Variants in DPP6 observed in about 807,000 individuals in gnomAD.
DPP6 encodes the protein A-type potassium channel modulatory protein DPP6.
In DPP6, 69 loss-of-function variants were observed where a neutral mutation model predicts 122.6. That is an observed-to-expected ratio of 0.56 (90% CI 0.46 to 0.69). The LOEUF (loss-of-function observed/expected upper bound fraction) is 0.69, where lower values mean the gene tolerates loss of function less well. Among genes scored for constraint, DPP6 ranks in the 30% least tolerant of loss-of-function variants. DPP6 has a pLI of 0.00. For synonymous variants in DPP6, 418 were observed against 433.1 expected (o/e 0.97, Z 0.43); for missense variants, 928 against 1,116.9 (o/e 0.83, Z 2.41).
At chr7:154,446,153 T>A (rs1819848430) in intron 1 of DPP6, 61 bp from the exon 2 acceptor site, 1 of 1,045,206 alleles carries the variant, frequency 9.6e-7, no homozygotes, top group Non-Finnish European at 1.4e-6. Context: ...ATATGTCTAT[T>A]TGGCTTATTT....
At chr7:153,803,491 A>C in the DPP6 span, among the ~76,000 whole-genome samples, 2 of 151,828 alleles carry the variant, frequency 1.3e-5, no homozygotes, top group Admixed American at 6.6e-5. Flanking sequence ...GCTTCACCTC[A>C]TCTTCTCTAG....
At chr7:154,664,190 T>C (rs1837988857) in intron 6 of DPP6, among the ~76,000 whole-genome samples, 1 of 151,936 alleles carries the variant, frequency 6.6e-6, no homozygotes, top group Non-Finnish European at 1.5e-5. Flanking sequence ...TTGGCGCTAG[T>C]GTTCATAAAG....
At chr7:154,278,637 T>G (rs1003967175) in intron 1 of DPP6, among the ~76,000 whole-genome samples, 6 of 152,268 alleles carry the variant, frequency 3.9e-5, no homozygotes, top group African/African-American at 1.4e-4. Flanking sequence ...GTTTTCACTT[T>G]GCACAGGGTG....
In DPP6 at chr7:154,755,906, C is replaced by T. The variant is rs367568810; in HGVS notation, c.884-13511C>T. 1.3e-5 allele frequency among the ~76,000 whole-genome samples: 2 copies of T among 152,244 alleles called. No individual in the cohort carries two copies. The highest frequency in any genetic ancestry group is 2.1e-4 in the South Asian group (1 of 4,820). On this transcript the variant is annotated intron_variant, in intron 8 of 25. Transcript: ENST00000377770. This position sits in a 1 kb window ranked among gnomAD's most constrained non-coding sequence, Gnocchi z 4.7. ...CTTCGTAATGATACTGTCCTCACCA[C>T]GTCTTTTTATTATGAAAAGGAAGAG...
the DPP6 span, among the ~76,000 whole-genome samples, chr7:153,848,343 A>G: frequency 1.6e-4 from 25 of 151,636 alleles, no homozygotes; most frequent in Admixed American, 1.6e-3. Context: ...CTAAGGCCTA[A>G]GTAAACTAAC....
chr7:154,836,169 G>A (rs1350595510), intron 16 of DPP6, among the ~76,000 whole-genome samples: 3 of 152,202 alleles, frequency 2.0e-5, no homozygotes, highest in African/African-American at 2.4e-5. Flanking sequence ...CTGCCTGCCC[G>A]CCGCCTGCCG....
chr7:154,234,824 G>A (rs1379068816), intron 1 of DPP6, among the ~76,000 whole-genome samples: 1 of 152,066 alleles, frequency 6.6e-6, no homozygotes, highest in African/African-American at 2.4e-5. Context: ...TCCCGTCCAG[G>A]CCTGGTTCCT....
chr7:154,040,451 C>A (rs1799703373), intron 1 of DPP6, among the ~76,000 whole-genome samples: 1 of 150,174 alleles, frequency 6.7e-6, no homozygotes, highest in Non-Finnish European at 1.5e-5. Flanking sequence ...TTCTCAACAC[C>A]AGTTCTGTGT....
At chr7:154,445,109 TA>T (rs1170677918) in intron 1 of DPP6, among the ~76,000 whole-genome samples, 1 of 152,244 alleles carries the variant, frequency 6.6e-6, no homozygotes, top group African/African-American at 2.4e-5. Context: ...TGACACATTC[TA>T]AAGAACTTTT....
chr7:153,929,569 A>G (rs1236447409), intron 1 of DPP6, among the ~76,000 whole-genome samples: 1 of 152,022 alleles, frequency 6.6e-6, no homozygotes, highest in Non-Finnish European at 1.5e-5. Context: ...GTGAATACAG[A>G]TAGAGGAGAG....
chr7:154,205,884 CG>C (rs1293518876), intron 1 of DPP6, among the ~76,000 whole-genome samples: 1 of 152,142 alleles, frequency 6.6e-6, no homozygotes, highest in African/African-American at 2.4e-5. Flanking sequence ...CTGGAGCAGC[CG>C]TGGCCTCTCT....
chr7:154,217,343 G>T (rs1800062791), intron 1 of DPP6, among the ~76,000 whole-genome samples: 3 of 152,162 alleles, frequency 2.0e-5, no homozygotes, highest in Non-Finnish European at 2.9e-5. Flanking sequence ...GCGTTGGTTT[G>T]CATGGAAGCA....
intron 1 of DPP6, among the ~76,000 whole-genome samples, chr7:154,347,922 C>T (rs1282216060): frequency 6.6e-6 from 1 of 152,192 alleles, no homozygotes; most frequent in Admixed American, 6.5e-5. Context: ...TATAATTAAG[C>T]CCCTTGAGGC....
rs569937097 is a variant in DPP6 at position 154,012,791 on chromosome 7, C to A, written c.51+125057C>A. Among the ~76,000 whole-genome samples the A allele has an allele frequency of 6.6e-5, 10 of 152,254 alleles. No individual in the cohort carries two copies. The South Asian group carries it at 1.5e-3, about 22-fold the overall frequency. ...TCCTAGTTATTGGCAGTTTGCTTAT[C>A]TTTTATGTGTCTAATAACTTTTAAT... is the stretch of plus-strand genomic sequence containing the variant. On this transcript the variant is annotated intron_variant, in intron 1 of 25. Transcript: ENST00000404039.
At chr7:154,459,741 C>T (rs1412023956) in intron 2 of DPP6, among the ~76,000 whole-genome samples, 21 of 133,678 alleles carry the variant, frequency 1.6e-4, no homozygotes, top group Non-Finnish European at 2.6e-4. Context: ...TGCTTGAATC[C>T]GGGAGGCTGA....
chr7:154,807,193 G>T, intron 16 of DPP6, 81 bp downstream of exon 16: 2 of 1,551,112 alleles, frequency 1.3e-6, no homozygotes, highest in East Asian at 2.3e-5. Flanking sequence ...TTGCAGGGAG[G>T]GGGCAGCGGC....
At chr7:154,088,089 A>T (rs1804557466) in intron 1 of DPP6, among the ~76,000 whole-genome samples, 1 of 152,070 alleles carries the variant, frequency 6.6e-6, no homozygotes, top group Admixed American at 6.5e-5. Context: ...ACACTTTTGG[A>T]GTGATGGAGT....
intron 1 of DPP6, among the ~76,000 whole-genome samples, chr7:154,445,449 C>T (rs1429729395): frequency 6.6e-6 from 1 of 152,182 alleles, no homozygotes; most frequent in African/African-American, 2.4e-5. Context: ...AAAACTTGGT[C>T]TCAGCAGCCA....
In DPP6 at chr7:154,133,699, C is replaced by A. The variant is rs544653559; in HGVS notation, c.243+80636C>A. Among the ~76,000 whole-genome samples the A allele has an allele frequency of 2.7e-3, 416 of 152,076 alleles. 1 individual carries two copies. The highest frequency in any genetic ancestry group is 9.7e-3 in the African/African-American group (400 of 41,426). ...GGGTGGGGCTGTTCTAAACCTGGGG[C>A]AGCAGTTCCCCACTGTATCTGGGAC... is the stretch of plus-strand genomic sequence containing the variant. On this transcript the variant is annotated intron_variant, in intron 1 of 25. Coordinates refer to ENST00000377770, the MANE Select transcript of DPP6 (RefSeq NM_130797.4).
Sources: allele counts gnomAD v4.1 joint callset (sites outside exome capture counted in the v4.1 genomes callset), GRCh38; gene constraint gnomAD v4.1.1; non-coding constraint Gnocchi (gnomAD v3.1); transcripts MANE v1.5; gene names NCBI Gene and HGNC (gene_info 2026-07-23, HGNC 2026-07-21).